The following RALYL variants were observed in gnomAD, a reference collection of about 807,000 sequenced individuals.
RALYL encodes the protein RNA-binding Raly-like protein.
RALYL carries 29 observed loss-of-function variants against 35.1 expected under a neutral mutation model. The observed-to-expected ratio is 0.83, with a 90% CI of 0.61 to 1.13. The LOEUF is 1.13. Among genes scored for constraint, RALYL ranks in the 50% most tolerant of loss-of-function variants. The pLI, the probability that RALYL is intolerant of heterozygous loss-of-function variation, is 0.00. For missense variants in RALYL, 359 were observed against 360.4 expected (o/e 1.00, Z 0.03); for synonymous variants, 120 against 127.6 (o/e 0.94, Z 0.40).
intron 2 of RALYL, among the ~76,000 whole-genome samples, chr8:84,694,849 A>T (rs924387428): frequency 1.3e-5 from 2 of 151,878 alleles, no homozygotes; most frequent in African/African-American, 2.4e-5. Context: ...GTTGTATTTG[A>T]TATGTGTTTT....
In RALYL at chr8:84,817,031, G is replaced by C. The variant is rs190393445; in HGVS notation, c.365+12229G>C. On this transcript the variant is annotated intron_variant, in intron 4 of 8. Coordinates refer to ENST00000521268, the MANE Select transcript of RALYL (RefSeq NM_173848.7). ...GAAGCACTATGTGTGAGCTAAGCAT[G>C]GACCAGCCAAGCCTGGATCGCCTAA... Among the ~76,000 whole-genome samples the C allele has an allele frequency of 7.2e-5, 11 of 152,200 alleles. No individual in the cohort carries two copies. The East Asian group carries it at 2.1e-3, about 29-fold the overall frequency.
At chr8:84,672,993 C>A (rs1833551641) in intron 2 of RALYL, among the ~76,000 whole-genome samples, 3 of 152,206 alleles carry the variant, frequency 2.0e-5, no homozygotes, top group Admixed American at 2.0e-4. Flanking sequence ...CTCTTACCAA[C>A]AGTGTATAAG....
chr8:84,624,933 A>G lies in RALYL; in HGVS notation c.256+95356A>G, dbSNP rs570600914. Among the ~76,000 whole-genome samples the G allele has an allele frequency of 1.6e-4, 25 of 152,306 alleles. No homozygotes were observed. The East Asian group carries it at 4.6e-3, about 28-fold the overall frequency. On this transcript the variant is annotated intron_variant, in intron 2 of 8. Coordinates refer to ENST00000521268, the MANE Select transcript of RALYL (RefSeq NM_173848.7). Reference sequence around the variant, plus strand: ...ATAAGTAAACATAAGTCATACTGACATCATTGACATCATATAGTCTTTTTA... The same window carrying G: ...ATAAGTAAACATAAGTCATACTGACGTCATTGACATCATATAGTCTTTTTA...
chr8:84,250,919 G>T (rs1052612210), intron 1 of RALYL, among the ~76,000 whole-genome samples: 4 of 152,000 alleles, frequency 2.6e-5, no homozygotes, highest in African/African-American at 9.7e-5. Context: ...ATATCTCCTG[G>T]GTTGATCTTC....
chr8:84,814,495 G>GAT (rs1180892510), intron 4 of RALYL, among the ~76,000 whole-genome samples: 54 of 152,018 alleles, frequency 3.6e-4, no homozygotes, highest in Non-Finnish European at 4.0e-4. Context: ...TAGAAATATT[G>GAT]ATACATTTTT....
intron 1 of RALYL, among the ~76,000 whole-genome samples, chr8:84,317,480 A>G (rs1016744156): frequency 1.3e-5 from 2 of 152,186 alleles, no homozygotes; most frequent in African/African-American, 4.8e-5. Context: ...AGGGTAGGAA[A>G]AGAGACTAGA....
chr8:84,359,921 G>C (rs1290397619), intron 1 of RALYL, among the ~76,000 whole-genome samples: 1 of 148,204 alleles, frequency 6.7e-6, no homozygotes, highest in Non-Finnish European at 1.5e-5. Flanking sequence ...TTTTGAGACA[G>C]AATCTCACTC....
At chr8:84,445,410 T>A (rs1041579950) in intron 1 of RALYL, among the ~76,000 whole-genome samples, 3 of 151,934 alleles carry the variant, frequency 2.0e-5, no homozygotes, top group African/African-American at 7.2e-5. Flanking sequence ...ATATCTAATA[T>A]ATAATTATGA....
At chr8:84,648,611 C>A (rs1258613279) in intron 2 of RALYL, among the ~76,000 whole-genome samples, 4 of 151,830 alleles carry the variant, frequency 2.6e-5, no homozygotes, top group African/African-American at 9.7e-5. Flanking sequence ...CATTACTATG[C>A]ATGGAATAAA....
intron 1 of RALYL, among the ~76,000 whole-genome samples, chr8:84,481,516 G>A (rs2054038016): frequency 6.6e-6 from 1 of 151,976 alleles, no homozygotes; most frequent in South Asian, 2.1e-4. Context: ...TATTATGAAT[G>A]TTCATAGAAA....
intron 2 of RALYL, among the ~76,000 whole-genome samples, chr8:84,537,705 G>C (rs2059714200): frequency 6.6e-6 from 1 of 151,918 alleles, no homozygotes; most frequent in Admixed American, 6.6e-5. Flanking sequence ...AGAAGATCAA[G>C]GTACACTTCA....
At chr8:84,748,120 C>G (rs1029161249) in intron 2 of RALYL, among the ~76,000 whole-genome samples, 1 of 151,962 alleles carries the variant, frequency 6.6e-6, no homozygotes, top group African/African-American at 2.4e-5. Context: ...TCCAGCACCA[C>G]TTGAATTAAT....
intron 2 of RALYL, among the ~76,000 whole-genome samples, chr8:84,773,080 T>C (rs1366192751): frequency 6.6e-6 from 1 of 152,188 alleles, no homozygotes; most frequent in Non-Finnish European, 1.5e-5. Context: ...TGTCTCACAT[T>C]CTTTAACCTG....
intron 1 of RALYL, among the ~76,000 whole-genome samples, chr8:84,488,970 A>C (rs753022626): frequency 1.3e-5 from 2 of 152,122 alleles, no homozygotes; most frequent in Non-Finnish European, 2.9e-5. Flanking sequence ...AAGACAAATT[A>C]TAATAAAGGA....
chr8:84,733,093 A>G (rs1846549744), intron 2 of RALYL, among the ~76,000 whole-genome samples: 1 of 152,112 alleles, frequency 6.6e-6, no homozygotes, highest in Non-Finnish European at 1.5e-5. Context: ...AGTGACCGAT[A>G]AAAGTGGAAA....
At chr8:84,202,790 C>T (rs1375226757) in intron 1 of RALYL, among the ~76,000 whole-genome samples, 3 of 152,078 alleles carry the variant, frequency 2.0e-5, no homozygotes, top group Non-Finnish European at 4.4e-5. Flanking sequence ...GTAGGCATGA[C>T]ATTTTGAACA....
intron 2 of RALYL, among the ~76,000 whole-genome samples, chr8:84,571,215 C>T (rs1365669320): frequency 6.6e-6 from 1 of 151,652 alleles, no homozygotes; most frequent in Non-Finnish European, 1.5e-5. Flanking sequence ...TGTTTGGTAA[C>T]ATTTTAGCTA....
chr8:84,456,298 A>C (rs964443345), intron 1 of RALYL, among the ~76,000 whole-genome samples: 3 of 152,002 alleles, frequency 2.0e-5, no homozygotes, highest in African/African-American at 7.2e-5. Flanking sequence ...CTGCACATTA[A>C]TTAACTCGTT....
At chr8:84,186,383 T>G (rs575846935) in intron 1 of RALYL, among the ~76,000 whole-genome samples, 1 of 152,308 alleles carries the variant, frequency 6.6e-6, no homozygotes, top group Admixed American at 6.5e-5. Context: ...ATTATAACAA[T>G]GTATGTACAT....
Sources: allele counts gnomAD v4.1 joint callset (sites outside exome capture counted in the v4.1 genomes callset), GRCh38; gene constraint gnomAD v4.1.1; transcripts MANE v1.5; gene names NCBI Gene and HGNC (gene_info 2026-07-23, HGNC 2026-07-21).